The following STYX variants were observed in gnomAD, a reference collection of about 807,000 sequenced individuals.
STYX encodes serine/threonine/tyrosine interacting protein, also known as serine/threonine/tyrosine-interacting protein.
In STYX, 20 loss-of-function variants were observed where a neutral mutation model predicts 42.7. The observed-to-expected ratio is 0.47, with a 90% CI of 0.33 to 0.68. The LOEUF is 0.68. Among genes scored for constraint, STYX ranks in the 30% least tolerant of loss-of-function variants. STYX has a pLI of 0.02. For missense variants in STYX, 226 were observed against 268.5 expected, an observed-to-expected ratio of 0.84 and a Z score of 1.11; for synonymous variants, 78 against 81.9, an observed-to-expected ratio of 0.95 and a Z score of 0.26.
intron 1 of STYX, among the ~76,000 whole-genome samples, chr14:52,743,091 C>T (rs528913316): frequency 2.6e-5 from 4 of 151,758 alleles, no homozygotes; most frequent in Non-Finnish European, 2.9e-5. Flanking sequence ...CCACCGCGCC[C>T]GGCTTTTTGA....
rs1339589613 is a variant in STYX, at chr14:52,764,292, A to G, written c.504+4538A>G. On this transcript the variant is annotated intron_variant, in intron 9 of 10. Coordinates refer to ENST00000354586, the MANE Select transcript of STYX (RefSeq NM_145251.4). The stretch of plus-strand genomic sequence containing the variant: ...AGGTGTGAGCCACTGTGCCTGGACA[A>G]ATTTCGGTTATTTTACCTTGCAGTT... Among the ~76,000 whole-genome samples the G allele has an allele frequency of 2.0e-5, 3 of 152,158 alleles. No individual in the cohort carries two copies. The South Asian group carries it at 6.2e-4, about 32-fold the overall frequency.
At position 52,773,650 on chromosome 14, in the gene STYX, A is replaced by C. The variant is rs1882609389; in HGVS notation, c.*2544A>C. 6.6e-6 allele frequency: 1 copy of C among 151,882 alleles called. No individual in the cohort carries two copies. The highest frequency in any genetic ancestry group is 2.4e-5 in the African/African-American group (1 of 41,312). The allele number at this position is 151,882 out of a possible 1,614,324, so 9.4% of individuals were successfully genotyped here. On this transcript the variant is annotated 3_prime_UTR_variant, in exon 11 of 11. Coordinates refer to ENST00000354586, the MANE Select transcript of STYX (RefSeq NM_145251.4). ...ACTGCGCCTGGCTGAGTACAATATT[A>C]ATGTAGACAAACCATGAAGTTTATT... is the stretch of plus-strand genomic sequence containing the variant.
rs138575589 is a variant in STYX, at chr14:52,731,375, G to T, written c.57+844G>T. Among the ~76,000 whole-genome samples, 3 of 151,226 alleles carry T rather than the reference G, an allele frequency of 2.0e-5. No homozygotes were observed. The East Asian group carries it at 5.8e-4, about 29-fold the overall frequency. Reference sequence around the variant, plus strand: ...GGGAAAAATAAAGCCCTATTTTTAGGAGACCATTCAATTTATTCCGAATAT... The same window carrying T: ...GGGAAAAATAAAGCCCTATTTTTAGTAGACCATTCAATTTATTCCGAATAT... On this transcript the variant is annotated intron_variant, in intron 1 of 10. Coordinates refer to ENST00000354586, the MANE Select transcript of STYX (RefSeq NM_145251.4).
At position 52,733,428 on chromosome 14, in the gene STYX, C is replaced by T. The variant is rs148550872; in HGVS notation, c.57+2897C>T. On this transcript the variant is annotated intron_variant, in intron 1 of 10. Coordinates refer to ENST00000354586, the MANE Select transcript of STYX (RefSeq NM_145251.4). ...GAACTGAATGTCCCATAATTCAATT[C>T]TGACACATATGTACCTGAAGTTAGT... 2.0e-3 allele frequency among the ~76,000 whole-genome samples: 308 copies of T among 152,180 alleles called. 2 individuals carry two copies. The highest frequency in any genetic ancestry group is 7.2e-3 in the African/African-American group (297 of 41,516).
chr14:52,735,454 T>A (rs1325458654), intron 1 of STYX, among the ~76,000 whole-genome samples: 1 of 152,126 alleles, frequency 6.6e-6, no homozygotes, highest in East Asian at 1.9e-4. Context: ...TTGGTAGCCC[T>A]CCCACCAAAA....
chr14:52,744,850 A>G lies in STYX; in HGVS notation c.58-2A>G. The G allele has an allele frequency of 1.2e-6, 2 of 1,613,228 alleles. No individual in the cohort carries two copies. The highest frequency in any genetic ancestry group is 2.2e-5 in the South Asian group (2 of 90,898). On this transcript the variant is annotated splice_acceptor_variant, in intron 1 of 10. Transcript: ENST00000354586. LOFTEE classifies it high-confidence loss of function. ...CTTTTATTCTTATGTTTTCCTTCCC[A>G]GGAGTGGACCTACCCTATGAGACGA...
intron 1 of STYX, among the ~76,000 whole-genome samples, chr14:52,731,213 C>T (rs1355015466): frequency 6.6e-6 from 1 of 152,084 alleles, no homozygotes; most frequent in Admixed American, 6.5e-5. Context: ...GCTAGTTTAA[C>T]ATTTTACGGC....
chr14:52,761,514 A>G (rs1407386466), intron 9 of STYX, among the ~76,000 whole-genome samples: 3 of 149,766 alleles, frequency 2.0e-5, no homozygotes, highest in African/African-American at 7.4e-5. Flanking sequence ...AAAAGTGCCT[A>G]TTCCTCCGAG....
intron 8 of STYX, 142 bp from the exon 9 acceptor site, chr14:52,759,540 T>C: frequency 1.5e-6 from 1 of 653,346 alleles, no homozygotes. Context: ...AGCATATAGC[T>C]GGTGAGAAAA....
At position 52,757,802 on chromosome 14, in the gene STYX, C is replaced by T. The variant is rs758266534; in HGVS notation, c.380+20C>T. On this transcript the variant is annotated intron_variant, in intron 7 of 10. Transcript: ENST00000354586. ...CAGAAGGTATGAAGTTAGAAATAAT[C>T]TTTCTTTCTATAACATTTAATTAAT... 1.6e-5 allele frequency: 26 copies of T among 1,612,568 alleles called. No individual in the cohort carries two copies. In the East Asian group the frequency reaches 5.8e-4, roughly 36 times the overall value.
chr14:52,760,964 G>T (rs1421831437), intron 9 of STYX, among the ~76,000 whole-genome samples: 2 of 151,894 alleles, frequency 1.3e-5, no homozygotes, highest in Non-Finnish European at 2.9e-5. Context: ...GCTCTTACTT[G>T]TTTTCAAATG....
At chr14:52,733,619 A>G (rs1052839604) in intron 1 of STYX, among the ~76,000 whole-genome samples, 9 of 152,292 alleles carry the variant, frequency 5.9e-5, no homozygotes, top group Admixed American at 4.6e-4. Context: ...TACAGGACTC[A>G]GGGAAGTACA....
chr14:52,748,693 AGTC>A (rs1255424485), intron 3 of STYX, among the ~76,000 whole-genome samples: 1 of 152,144 alleles, frequency 6.6e-6, no homozygotes, highest in Non-Finnish European at 1.5e-5. Context: ...ATTTAGTAGT[AGTC>A]TATTGGGCCT....
intron 9 of STYX, among the ~76,000 whole-genome samples, chr14:52,765,019 T>A (rs1594882380): frequency 6.6e-6 from 1 of 152,304 alleles, no homozygotes; most frequent in East Asian, 1.9e-4. Flanking sequence ...CCTGTTCCAG[T>A]GTCTTTATTA....
At chr14:52,754,227 T>TC (rs1453412266) in intron 4 of STYX, among the ~76,000 whole-genome samples, 1 of 152,074 alleles carries the variant, frequency 6.6e-6, no homozygotes, top group East Asian at 1.9e-4. Context: ...TTTTTTTTTT[T>TC]TCAAAGATAG....
At chr14:52,750,924 C>A in intron 4 of STYX, 144 bp downstream of exon 4, 1 of 468,058 alleles carries the variant, frequency 2.1e-6, no homozygotes, top group Non-Finnish European at 3.6e-6. Flanking sequence ...ACTTAAAATA[C>A]TTAAATAAAT....
At chr14:52,741,862 G>A (rs568309119) in intron 1 of STYX, among the ~76,000 whole-genome samples, 37 of 151,864 alleles carry the variant, frequency 2.4e-4, no homozygotes, top group Admixed American at 1.8e-3. Flanking sequence ...TATATTTTTC[G>A]TTATTGCTTA....
chr14:52,751,680 A>G (rs1265196681), intron 4 of STYX, among the ~76,000 whole-genome samples: 2 of 152,172 alleles, frequency 1.3e-5, no homozygotes, highest in East Asian at 1.9e-4. Flanking sequence ...TTGAGCATGT[A>G]ATGGTTTTTA....
At position 52,730,473 on chromosome 14, in the gene STYX, C is replaced by G; in HGVS notation, c.-2C>G. ...CCACCCACCAGCCCGCGGGCCAGCACCATGGAGGACGTGAAGCTGGAGTTC... is the reference window on the plus strand; with the variant it reads ...CCACCCACCAGCCCGCGGGCCAGCAGCATGGAGGACGTGAAGCTGGAGTTC... On this transcript the variant is annotated 5_prime_UTR_variant, in exon 1 of 11. Coordinates refer to ENST00000354586, the MANE Select transcript of STYX (RefSeq NM_145251.4). 1.9e-6 allele frequency: 3 copies of G among 1,613,636 alleles called. No homozygotes were observed. The highest frequency in any genetic ancestry group is 1.1e-5 in the South Asian group (1 of 90,966).
Sources: gnomAD v4.1 joint callset for allele counts (sites outside exome capture counted in the v4.1 genomes callset) on GRCh38, gnomAD v4.1.1 for gene constraint, MANE v1.5 for transcripts, NCBI Gene and HGNC (gene_info 2026-07-23, HGNC 2026-07-21) for gene names.